HACE1: variants seen among roughly 807,000 people sequenced by gnomAD.
HACE1 encodes the protein HECT domain and ankyrin repeat containing E3 ubiquitin protein ligase 1, also known as E3 ubiquitin-protein ligase HACE1.
Under a neutral mutation model 118.4 loss-of-function variants are expected in HACE1, and 73 were observed. That is an observed-to-expected ratio of 0.62 (90% confidence interval 0.51 to 0.75). The LOEUF (loss-of-function observed/expected upper bound fraction) is 0.75. Among genes scored for constraint, HACE1 ranks in the 30% least tolerant of loss-of-function variants. The pLI is 0.00. For synonymous variants in HACE1, 368 were observed against 374.8 expected, an observed-to-expected ratio of 0.98 and a Z score of 0.21; for missense variants, 749 against 1,102.2, an observed-to-expected ratio of 0.68 and a Z score of 4.54.
intron 5 of HACE1, among the ~76,000 whole-genome samples, chr6:104,839,906 T>C (rs1388913287): frequency 6.6e-6 from 1 of 152,152 alleles, no homozygotes; most frequent in African/African-American, 2.4e-5. Flanking sequence ...CTCGGGAGAC[T>C]GAGGCAGGAG....
intron 6 of HACE1, among the ~76,000 whole-genome samples, chr6:104,826,741 T>C (rs1401380968): frequency 5.3e-5 from 8 of 152,212 alleles, no homozygotes; most frequent in African/African-American, 1.9e-4. Context: ...CTACGCTACA[T>C]TTATACATAA....
At position 104,847,434 on chromosome 6, in the gene HACE1, C is replaced by G. The variant is rs565112911; in HGVS notation, c.326+1708G>C. 1.4e-4 allele frequency among the ~76,000 whole-genome samples: 22 copies of G among 152,312 alleles called. No homozygotes were observed. The East Asian group carries it at 3.3e-3, about 23-fold the overall frequency. On this transcript the variant is annotated intron_variant, in intron 4 of 23. Coordinates refer to ENST00000262903, the MANE Select transcript of HACE1 (RefSeq NM_020771.4). Reference sequence around the variant, plus strand: ...TTGGGTGTGACACATTACAAGATATCTAACATGGCTAATTATAAAAACAAC... The same window carrying G: ...TTGGGTGTGACACATTACAAGATATGTAACATGGCTAATTATAAAAACAAC...
intron 22 of HACE1, among the ~76,000 whole-genome samples, chr6:104,743,890 G>A (rs1777116141): frequency 6.6e-6 from 1 of 151,904 alleles, no homozygotes; most frequent in Non-Finnish European, 1.5e-5. Flanking sequence ...CCTACCTGCA[G>A]AGCAAAAAGA....
chr6:104,751,657 G>A (rs996195803), intron 19 of HACE1, among the ~76,000 whole-genome samples: 4 of 151,544 alleles, frequency 2.6e-5, no homozygotes, highest in African/African-American at 7.3e-5. Flanking sequence ...AATAATAACT[G>A]GTAATTTAAA....
intron 1 of HACE1, among the ~76,000 whole-genome samples, chr6:104,857,432 A>G (rs540621941): frequency 4.6e-5 from 7 of 151,874 alleles, no homozygotes; most frequent in Non-Finnish European, 8.8e-5. Context: ...TGCTGGTGGA[A>G]CTTTCCAAGG....
chr6:104,819,186 A>G (rs969694147), intron 6 of HACE1, among the ~76,000 whole-genome samples: 8 of 152,246 alleles, frequency 5.3e-5, no homozygotes, highest in Non-Finnish European at 2.9e-5. Context: ...AACAACCTCA[A>G]CAAAGTCTCA....
chr6:104,800,234 C>A (rs923640245), intron 7 of HACE1, among the ~76,000 whole-genome samples: 2 of 152,166 alleles, frequency 1.3e-5, no homozygotes, highest in African/African-American at 4.8e-5. Flanking sequence ...GCGGAGCCCA[C>A]TGCAGCTCAG....
At chr6:104,739,312 A>G (rs1388072352) in intron 22 of HACE1, among the ~76,000 whole-genome samples, 11 of 152,184 alleles carry the variant, frequency 7.2e-5, no homozygotes, top group Admixed American at 6.5e-4. Context: ...ATTCACACAT[A>G]ACAATATTAA....
At chr6:104,847,366 T>G (rs182946570) in intron 4 of HACE1, among the ~76,000 whole-genome samples, 71 of 152,340 alleles carry the variant, frequency 4.7e-4, no homozygotes, top group African/African-American at 1.7e-3. Flanking sequence ...TACCTAGACC[T>G]GAGATCAATT....
In HACE1 at chr6:104,771,311, T is replaced by A. The variant is rs770290209; in HGVS notation, c.2093A>T (p.Asp698Val). Reference protein sequence around the residue: ...AKNLQWILDNDISDLGLELTF... With the variant: ...AKNLQWILDNVISDLGLELTF... The stretch of plus-strand genomic sequence containing the variant: ...TAGTTCTAGACCCAGATCACTTATA[T>A]CATTATCTAAAATCCATTGCAAATT... Residue 698 changes from aspartate to valine, a missense_variant, in exon 19 of 24, where the codon GAT becomes GTT. Asp to Val is a radical substitution (Grantham distance 152, BLOSUM62 -3). This residue lies in a region of HACE1 where 195 missense variants were observed against 322.1 expected (regional missense o/e 0.61). Coordinates refer to ENST00000262903, the MANE Select transcript of HACE1 (RefSeq NM_020771.4). 6.2e-7 allele frequency: 1 copy of A among 1,611,240 alleles called. No homozygotes were observed. Among genetic ancestry groups the A allele is most frequent in the Non-Finnish European group, 8.5e-7 (1 of 1,177,412 alleles).
chr6:104,744,808 T>C lies in HACE1; in HGVS notation c.2344-198A>G, dbSNP rs1055587524. The stretch of plus-strand genomic sequence containing the variant: ...GCTGATAATCTCAAATATTATAAGA[T>C]GTGGAGATGTTTCCACATTGATACA... On this transcript the variant is annotated intron_variant, in intron 20 of 23. Transcript: ENST00000262903. 1.1e-4 allele frequency among the ~76,000 whole-genome samples: 17 copies of C among 152,324 alleles called. No homozygotes were observed. In the South Asian group the frequency reaches 1.4e-3, roughly 13 times the overall value.
rs1238618572 is a variant in HACE1 at position 104,791,621 on chromosome 6, G to C, written c.957C>G (p.Ser319Arg). The C allele has an allele frequency of 1.2e-6, 2 of 1,610,902 alleles. No individual in the cohort carries two copies. The highest frequency in any genetic ancestry group is 1.3e-5 in the African/African-American group (1 of 74,772). The change falls in exon 11 of 24, where the codon AGC becomes AGG. Residue 319 changes from serine to arginine, a missense_variant. By Grantham distance (110) the Ser-to-Arg change is moderately radical. Transcript: ENST00000262903. Reference protein sequence around the residue: ...LSSNYDAQMKSLLRIVRMFCH... With the variant: ...LSSNYDAQMKRLLRIVRMFCH... ...AAAACATTCTCACAATCCTTAAAAGGCTCTTCATTTGAGCATCATAATTGC... is the reference window on the plus strand; with the variant it reads ...AAAACATTCTCACAATCCTTAAAAGCCTCTTCATTTGAGCATCATAATTGC...
At chr6:104,842,421 T>C (rs986716892) in intron 5 of HACE1, 9 of 151,492 alleles carry the variant, frequency 5.9e-5, no homozygotes, top group African/African-American at 1.9e-4. Context: ...CTGGCCAACG[T>C]GGTGAAACCC....
intron 17 of HACE1, among the ~76,000 whole-genome samples, chr6:104,775,829 T>C (rs967929875): frequency 6.6e-6 from 1 of 152,182 alleles, no homozygotes; most frequent in African/African-American, 2.4e-5. Context: ...TCTGATCAAA[T>C]AGGGATTTGC....
chr6:104,774,740 C>T (rs192846076), intron 17 of HACE1, among the ~76,000 whole-genome samples: 152 of 152,256 alleles, frequency 1.0e-3, no homozygotes, highest in East Asian at 4.1e-3. Context: ...AGTTTACTGG[C>T]CCCAAGATTG....
chr6:104,735,035 T>A (rs1345682993), intron 22 of HACE1, among the ~76,000 whole-genome samples: 2 of 151,984 alleles, frequency 1.3e-5, no homozygotes, highest in Non-Finnish European at 2.9e-5. Context: ...CATTAAAAAA[T>A]TTATATAAAC....
chr6:104,739,008 A>C (rs1467281605), intron 22 of HACE1, among the ~76,000 whole-genome samples: 3 of 147,088 alleles, frequency 2.0e-5, no homozygotes, highest in Admixed American at 6.8e-5. Flanking sequence ...AGTGGGGGCC[A>C]ATATTCAACA....
intron 3 of HACE1, among the ~76,000 whole-genome samples, chr6:104,849,504 ATTT>A (rs11380259): frequency 7.3e-6 from 1 of 137,280 alleles, no homozygotes; most frequent in Non-Finnish European, 1.5e-5. Context: ...CAATTGGGTA[ATTT>A]TTTTTTTTTT....
chr6:104,751,252 C>T (rs1188144122), intron 19 of HACE1, among the ~76,000 whole-genome samples: 2 of 152,092 alleles, frequency 1.3e-5, no homozygotes, highest in African/African-American at 2.4e-5. Context: ...GGATATATAC[C>T]AACTTCTAAA....
Sources: allele counts gnomAD v4.1 joint callset (sites outside exome capture counted in the v4.1 genomes callset), GRCh38; gene constraint gnomAD v4.1.1; regional missense constraint gnomAD v4.1.1; transcripts MANE v1.5; gene names NCBI Gene and HGNC (gene_info 2026-07-23, HGNC 2026-07-21).